FRYL: variants seen among roughly 807,000 people sequenced by gnomAD.
The protein encoded by FRYL is protein furry homolog-like.
In FRYL, 150 loss-of-function variants were observed where a neutral mutation model predicts 351.2. The ratio of observed to expected loss-of-function variants is 0.43; its 90% confidence interval spans 0.37 to 0.49. The LOEUF (loss-of-function observed/expected upper bound fraction) is 0.49. Ranked by LOEUF, FRYL falls within the 20% of genes least tolerant of loss-of-function variation. The pLI is 0.00. For missense variants in FRYL, 3,036 were observed against 3,619.3 expected (o/e 0.84, Z 4.13); for synonymous variants, 1,153 against 1,257.1 (o/e 0.92, Z 1.75).
At chr4:48,769,764 T>G (rs1326251746) in intron 1 of FRYL, among the ~76,000 whole-genome samples, 1 of 152,206 alleles carries the variant, frequency 6.6e-6, no homozygotes, top group Non-Finnish European at 1.5e-5. Context: ...AATAAGCTAT[T>G]GAGTGAGACA....
Position 48,567,190 on chromosome 4 carries a change from G to GA in FRYL, c.3169+57dup, listed in dbSNP as rs1293656816. The GA allele has an allele frequency of 1.7e-5, 24 of 1,422,080 alleles. No individual in the cohort carries two copies. Among genetic ancestry groups the GA allele is most frequent in the East Asian group, 2.4e-5 (1 of 41,502 alleles). 88.1% of individuals were successfully genotyped at this position (1,422,080 alleles called of 1,614,324 possible). On this transcript the variant is annotated intron_variant, in intron 28 of 63. Transcript: ENST00000358350. This position sits in a 1 kb window ranked among gnomAD's most constrained non-coding sequence, Gnocchi z 4.2. The stretch of plus-strand genomic sequence containing the variant: ...CTTAGATTATTAAACCTCAAGGAAA[G>GA]AAAAAATATGACGGTTCCTTAATAC...
chr4:48,620,727 G>C lies in FRYL; in HGVS notation c.226C>G (p.Arg76Gly), dbSNP rs371083439. ...CGTCTGTACCAGTCAAACAAGGTGC[G>C]AAGTAAGGAAGGGAGACAGTGCTCT... is the stretch of plus-strand genomic sequence containing the variant. ...VAEHCLPSLL[R>G]TLFDWYRRQN... The change falls in exon 6 of 64, where the codon CGC becomes GGC. Residue 76 changes from arginine to glycine, a missense_variant. Arg to Gly is a moderately radical substitution (Grantham distance 125, BLOSUM62 -2). Around this residue, in one of 7 missense-constraint regions of FRYL, gnomAD observed 457 missense variants for 566.6 expected, o/e 0.81. Coordinates refer to ENST00000358350, the MANE Select transcript of FRYL (RefSeq NM_015030.2). 1 of 1,613,858 alleles carries C rather than the reference G, an allele frequency of 6.2e-7. No individual in the cohort carries two copies. Among genetic ancestry groups the C allele is most frequent in the Non-Finnish European group, 8.5e-7 (1 of 1,179,826 alleles).
chr4:48,716,599 A>T (rs371440349), intron 1 of FRYL, among the ~76,000 whole-genome samples: 79 of 151,716 alleles, frequency 5.2e-4, no homozygotes, highest in East Asian at 4.1e-3. Context: ...TTAGAATGGC[A>T]ATCATTAAAA....
At chr4:48,536,689 T>C (rs764535724) in intron 47 of FRYL, among the ~76,000 whole-genome samples, 9 of 152,212 alleles carry the variant, frequency 5.9e-5, no homozygotes, top group African/African-American at 1.2e-4. Flanking sequence ...GCTAACCTCA[T>C]TGTCATTTCT....
chr4:48,508,633 C>T (rs538643384), intron 59 of FRYL, among the ~76,000 whole-genome samples: 94 of 152,264 alleles, frequency 6.2e-4, no homozygotes, highest in Middle Eastern at 3.4e-3. Context: ...CATGAGTCTA[C>T]AGTCATTGAT....
chr4:48,520,785 G>A (rs572108460), intron 55 of FRYL: 9 of 303,358 alleles, frequency 3.0e-5, no homozygotes, highest in South Asian at 1.1e-4. Flanking sequence ...CCAGAGAAGC[G>A]TCTGTACATT....
At chr4:48,508,022 TTAAA>T (rs536708274) in intron 59 of FRYL, among the ~76,000 whole-genome samples, 38 of 152,254 alleles carry the variant, frequency 2.5e-4, no homozygotes, top group Admixed American at 9.2e-4. Flanking sequence ...AATGGGAAAA[TTAAA>T]TAGGGCAGAC....
chr4:48,515,802 T>TTTAGGTG (rs1723464885), intron 55 of FRYL, among the ~76,000 whole-genome samples: 2 of 152,194 alleles, frequency 1.3e-5, no homozygotes, highest in South Asian at 4.1e-4. Flanking sequence ...AGTAACAGGA[T>TTTAGGTG]TTAGGTGTTT....
Position 48,579,168 on chromosome 4 carries a change from T to A in FRYL, c.2333A>T (p.His778Leu). Residue 778 changes from histidine (H) to leucine (L), a missense_variant, in exon 23 of 64, where the codon CAC becomes CTC. This residue lies in a region of FRYL where 492 missense variants were observed against 551.5 expected (regional missense o/e 0.89). Transcript: ENST00000358350. Reference sequence around the variant, plus strand: ...TGATGGACTAATCACATCAAACTGGTGGCTAATAGGAGAAGAGTTCCATTC... The same window carrying A: ...TGATGGACTAATCACATCAAACTGGAGGCTAATAGGAGAAGAGTTCCATTC... ...LAEWNSSPIS[H>L]QFDVISPSHI... 1 of 1,613,768 alleles carries A rather than the reference T, an allele frequency of 6.2e-7. No homozygotes were observed. The highest frequency in any genetic ancestry group is 1.3e-5 in the African/African-American group (1 of 75,022).
At chr4:48,519,402 T>C (rs1215276271) in intron 55 of FRYL, among the ~76,000 whole-genome samples, 1 of 152,092 alleles carries the variant, frequency 6.6e-6, no homozygotes, top group Non-Finnish European at 1.5e-5. Flanking sequence ...TTTCTTACCA[T>C]CACTCCCAGT....
Position 48,549,211 on chromosome 4 carries a change from AG to A in FRYL, c.4784+261del, listed in dbSNP as rs1395487678. On this transcript the variant is annotated intron_variant, in intron 39 of 63. Transcript: ENST00000358350. The surrounding 1 kb of genome is among the most constrained non-coding windows in gnomAD (Gnocchi z 4.2). ...TAGGAAAGTCATATTTTTCAGATGT[AG>A]TAACTGGGTCCCAGAAAGGTCAAGT... Among the ~76,000 whole-genome samples the A allele has an allele frequency of 4.6e-5, 7 of 152,246 alleles. No individual in the cohort carries two copies. The highest frequency in any genetic ancestry group is 1.7e-4 in the African/African-American group (7 of 41,458).
chr4:48,628,413 A>G (rs1057015815), intron 4 of FRYL, among the ~76,000 whole-genome samples: 8 of 140,214 alleles, frequency 5.7e-5, no homozygotes, highest in African/African-American at 2.1e-4. Flanking sequence ...TATTTTATAT[A>G]TATCTCCCCT....
At chr4:48,681,080 C>T (rs1764536684) in intron 3 of FRYL, 1 of 1,274,176 alleles carries the variant, frequency 7.8e-7, no homozygotes, top group Admixed American at 2.4e-5. Context: ...TCCAAAACCA[C>T]ATCTCCCGAA....
At chr4:48,708,066 T>G (rs765165332) in intron 2 of FRYL, among the ~76,000 whole-genome samples, 4 of 152,060 alleles carry the variant, frequency 2.6e-5, no homozygotes, top group Non-Finnish European at 5.9e-5. Context: ...GTGATCAGCC[T>G]GCCTCGGCCT....
At chr4:48,651,139 G>A (rs1757540971) in intron 3 of FRYL, among the ~76,000 whole-genome samples, 1 of 151,986 alleles carries the variant, frequency 6.6e-6, no homozygotes, top group African/African-American at 2.4e-5. Flanking sequence ...GGAGTACAGT[G>A]GCATGAACAG....
chr4:48,638,788 G>C (rs1754767104), intron 3 of FRYL, among the ~76,000 whole-genome samples: 1 of 152,148 alleles, frequency 6.6e-6, no homozygotes, highest in South Asian at 2.1e-4. Flanking sequence ...TAAAAAGGAT[G>C]TGTTCATGTC....
chr4:48,634,222 A>T, intron 4 of FRYL, 69 bp downstream of exon 4: 3 of 1,133,356 alleles, frequency 2.6e-6, no homozygotes, highest in Non-Finnish European at 4.0e-6. Flanking sequence ...TCCTTTGAAA[A>T]ATCTGCATTA....
At chr4:48,750,618 A>T (rs1773153529) in intron 1 of FRYL, among the ~76,000 whole-genome samples, 1 of 152,212 alleles carries the variant, frequency 6.6e-6, no homozygotes, top group South Asian at 2.1e-4. Flanking sequence ...TATAATTAAA[A>T]GAAGGAGCCT....
chr4:48,728,610 G>A (rs566356765), intron 1 of FRYL, among the ~76,000 whole-genome samples: 2 of 152,164 alleles, frequency 1.3e-5, no homozygotes, highest in East Asian at 1.9e-4. Context: ...CAAATCATAC[G>A]CAACTACAGA....
Sources: gnomAD v4.1 joint callset for allele counts (sites outside exome capture counted in the v4.1 genomes callset) on GRCh38, gnomAD v4.1.1 for gene constraint, gnomAD v4.1.1 regional missense constraint, Gnocchi (gnomAD v3.1) non-coding constraint, MANE v1.5 for transcripts, NCBI Gene and HGNC (gene_info 2026-07-23, HGNC 2026-07-21) for gene names.